Variants in MRPL45 observed in about 807,000 individuals in gnomAD.
The protein encoded by MRPL45 is mitochondrial ribosomal protein L45.
MRPL45 carries 20 observed loss-of-function variants against 38.1 expected under a neutral mutation model. The observed-to-expected ratio is 0.53, with a 90% confidence interval of 0.37 to 0.76. The LOEUF is 0.76. Ranked by LOEUF, MRPL45 falls within the 30% of genes least tolerant of loss-of-function variation. The pLI, the probability that MRPL45 is intolerant of heterozygous loss-of-function variation, is 0.00. For missense variants in MRPL45, 337 were observed against 395.6 expected (o/e 0.85, Z 1.26); for synonymous variants, 105 against 128.8 (o/e 0.82, Z 1.25).
At chr17:38,297,986 A>G (rs1567711476) in intron 1 of MRPL45, among the ~76,000 whole-genome samples, 1 of 152,184 alleles carries the variant, frequency 6.6e-6, no homozygotes, top group African/African-American at 2.4e-5. Flanking sequence ...AGTCCCAGCT[A>G]CTTGGGAGGC....
At chr17:38,310,494 A>G (rs1432854680) in intron 4 of MRPL45, among the ~76,000 whole-genome samples, 2 of 151,822 alleles carry the variant, frequency 1.3e-5, no homozygotes, top group Non-Finnish European at 2.9e-5. Context: ...ATGCCCAGCT[A>G]ATTTTTGTAT....
In MRPL45 at chr17:38,320,730, T is replaced by A; in HGVS notation, c.623T>A (p.Val208Glu). 1 of 1,614,174 alleles carries A rather than the reference T, an allele frequency of 6.2e-7. No homozygotes were observed. The highest frequency in any genetic ancestry group is 2.2e-5 in the East Asian group (1 of 44,890). The change falls in exon 6 of 8, where the codon GTG (valine) becomes GAG (glutamate). Residue 208 changes from valine (V) to glutamate (E), a missense_variant. Transcript: ENST00000613675. ...RCSSMMNQGNVYGQITVRMHT... is the reference protein window; with the variant it reads ...RCSSMMNQGNEYGQITVRMHT... ...TCAAGTATGATGAACCAGGGCAACG[T>A]GTACGGCCAGATCACCGTACGCATG...
intron 5 of MRPL45, among the ~76,000 whole-genome samples, chr17:38,319,195 C>A (rs1045942490): frequency 6.6e-6 from 1 of 151,828 alleles, no homozygotes; most frequent in African/African-American, 2.4e-5. Flanking sequence ...GCCAGCACAC[C>A]CGGCTAATTT....
At chr17:38,308,679 A>T (rs1358067234) in intron 4 of MRPL45, among the ~76,000 whole-genome samples, 1 of 151,562 alleles carries the variant, frequency 6.6e-6, no homozygotes, top group East Asian at 2.0e-4. Context: ...ACCTCAAGTG[A>T]TCCGCCCACC....
chr17:38,312,246 A>G (rs997927310), intron 4 of MRPL45, among the ~76,000 whole-genome samples: 16 of 151,944 alleles, frequency 1.1e-4, no homozygotes, highest in Admixed American at 4.6e-4. Flanking sequence ...GGGGTTCACC[A>G]TGTTGGCCAG....
At chr17:38,317,233 C>T (rs901317930) in intron 4 of MRPL45, among the ~76,000 whole-genome samples, 2 of 152,206 alleles carry the variant, frequency 1.3e-5, no homozygotes, top group Non-Finnish European at 2.9e-5. Flanking sequence ...AGAGTTCACT[C>T]AGAGGTGCCA....
At chr17:38,322,038 A>T in intron 6 of MRPL45, 88 bp from the exon 7 acceptor site, 2 of 1,410,356 alleles carry the variant, frequency 1.4e-6, no homozygotes, top group Non-Finnish European at 1.9e-6. Flanking sequence ...TCTCAAAAAA[A>T]AAAAAAAGGT....
intron 3 of MRPL45, among the ~76,000 whole-genome samples, chr17:38,301,181 T>C (rs2036991704): frequency 6.6e-6 from 1 of 152,126 alleles, no homozygotes; most frequent in Non-Finnish European, 1.5e-5. Flanking sequence ...TACTGTACCA[T>C]TCCTCTTTGT....
At chr17:38,314,669 T>G (rs2037156890) in intron 4 of MRPL45, among the ~76,000 whole-genome samples, 1 of 152,170 alleles carries the variant, frequency 6.6e-6, no homozygotes, top group African/African-American at 2.4e-5. Context: ...TGTTTTTGCT[T>G]TTTTTTGCAT....
At chr17:38,305,966 A>G (rs2037049921) in intron 3 of MRPL45, among the ~76,000 whole-genome samples, 1 of 151,852 alleles carries the variant, frequency 6.6e-6, no homozygotes, top group Non-Finnish European at 1.5e-5. Flanking sequence ...GAGCATTTGT[A>G]AGAAACCCGT....
Position 38,320,629 on chromosome 17 carries a change from G to A in MRPL45, c.522G>A (p.Trp174Ter). ...VTEHCFPDMT[W>*]DIKYKTVRWS... ...TCCTTTGCCCTTAGGACATGACTTGGGACATCAAATATAAGACCGTCCGCT... is the reference window on the plus strand; with the variant it reads ...TCCTTTGCCCTTAGGACATGACTTGAGACATCAAATATAAGACCGTCCGCT... Residue 174 changes from tryptophan (W) to a stop codon, truncating the protein, a stop_gained, in exon 6 of 8, where the codon TGG becomes TGA. Coordinates refer to ENST00000613675, the MANE Select transcript of MRPL45 (RefSeq NM_032351.6). LOFTEE classifies it high-confidence loss of function. 1 of 1,614,110 alleles carries A rather than the reference G, an allele frequency of 6.2e-7. No individual in the cohort carries two copies. Among genetic ancestry groups the A allele is most frequent in the African/African-American group, 1.3e-5 (1 of 75,036 alleles).
At chr17:38,308,759 A>G (rs907863227) in intron 4 of MRPL45, among the ~76,000 whole-genome samples, 1 of 151,410 alleles carries the variant, frequency 6.6e-6, no homozygotes, top group Non-Finnish European at 1.5e-5. Context: ...TATTTTTAGT[A>G]GAGATGGGGT....
chr17:38,319,403 A>G (rs983874895), intron 5 of MRPL45, among the ~76,000 whole-genome samples: 15 of 151,920 alleles, frequency 9.9e-5, no homozygotes, highest in Non-Finnish European at 2.2e-4. Flanking sequence ...TCCCGACCTC[A>G]GGTGATCCGC....
At chr17:38,315,627 T>C (rs2037165909) in intron 4 of MRPL45, among the ~76,000 whole-genome samples, 1 of 152,098 alleles carries the variant, frequency 6.6e-6, no homozygotes, top group Non-Finnish European at 1.5e-5. Context: ...GGTTTTAATG[T>C]TTCTTGGTAT....
At chr17:38,312,107 C>T (rs1348229784) in intron 4 of MRPL45, among the ~76,000 whole-genome samples, 1 of 148,790 alleles carries the variant, frequency 6.7e-6, no homozygotes, top group Non-Finnish European at 1.5e-5. Flanking sequence ...AGTGTAATGG[C>T]TCGATCTCCA....
At chr17:38,305,595 C>G (rs922398654) in intron 3 of MRPL45, among the ~76,000 whole-genome samples, 1 of 150,916 alleles carries the variant, frequency 6.6e-6, no homozygotes, top group African/African-American at 2.4e-5. Flanking sequence ...CAAGTATTCT[C>G]CTGCCTCAGC....
In MRPL45 at chr17:38,322,669, AT is replaced by A; in HGVS notation, c.*75del. On this transcript the variant is annotated 3_prime_UTR_variant, in exon 8 of 8. Transcript: ENST00000613675. ...AGCTTTGAAGTCTCCCATTCCCCTC[AT>A]GCTATAAAAAGAACTACCTTTGTTC... 2 of 1,157,074 alleles carry A rather than the reference AT, an allele frequency of 1.7e-6. No individual in the cohort carries two copies. 71.7% of individuals were successfully genotyped at this position (1,157,074 alleles called of 1,614,324 possible). A position where few individuals can be genotyped will look rare whatever the true frequency, so the allele number is the denominator to read the frequency against.
At chr17:38,300,867 A>G (rs533556076) in intron 3 of MRPL45, among the ~76,000 whole-genome samples, 4 of 151,926 alleles carry the variant, frequency 2.6e-5, no homozygotes, top group Non-Finnish European at 5.9e-5. Context: ...AATCGCTTGA[A>G]CCCGGGAGGC....
rs1357410198 is a variant in MRPL45, at chr17:38,297,507, A to C, written c.66+258A>C. Among the ~76,000 whole-genome samples the C allele has an allele frequency of 2.0e-5, 3 of 152,102 alleles. No individual in the cohort carries two copies. In the East Asian group the frequency reaches 5.8e-4, roughly 29 times the overall value. On this transcript the variant is annotated intron_variant, in intron 1 of 7. Transcript: ENST00000613675. Reference sequence around the variant, plus strand: ...TGGTTTGGGTCTGTCTGGCGAGGAGATATTAAAGGAGAGACAAGTAATGGG... The same window carrying C: ...TGGTTTGGGTCTGTCTGGCGAGGAGCTATTAAAGGAGAGACAAGTAATGGG...
Sources: allele counts gnomAD v4.1 joint callset (sites outside exome capture counted in the v4.1 genomes callset), GRCh38; gene constraint gnomAD v4.1.1; transcripts MANE v1.5; gene names NCBI Gene and HGNC (gene_info 2026-07-23, HGNC 2026-07-21).